The following FER1L6 variants were observed in gnomAD, a reference collection of about 807,000 sequenced individuals.
FER1L6 encodes fer-1 like family member 6, also known as fer-1-like protein 6.
Under a neutral mutation model 219.2 loss-of-function variants are expected in FER1L6, and 177 were observed. That is an observed-to-expected ratio of 0.81 (90% CI 0.71 to 0.91). FER1L6 has a LOEUF of 0.91. FER1L6 is among the 40% of genes least tolerant of loss of function. The pLI is 0.00. For missense variants in FER1L6, 2,153 were observed against 2,259.9 expected, an observed-to-expected ratio of 0.95 and a Z score of 0.96; for synonymous variants, 768 against 824.3, an observed-to-expected ratio of 0.93 and a Z score of 1.17.
intron 20 of FER1L6, among the ~76,000 whole-genome samples, chr8:124,042,292 C>G (rs1043442782): frequency 3.3e-5 from 5 of 152,216 alleles, no homozygotes; most frequent in Non-Finnish European, 7.3e-5. Flanking sequence ...GAGTTCTGGA[C>G]TCTGTCTCCA....
In FER1L6 at chr8:123,986,089, G is replaced by T. The variant is rs763575455; in HGVS notation, c.1432G>T (p.Glu478Ter). 1 of 1,611,676 alleles carries T rather than the reference G, an allele frequency of 6.2e-7. No homozygotes were observed. The highest frequency in any genetic ancestry group is 2.2e-5 in the East Asian group (1 of 44,844). The change falls in exon 12 of 41, where the codon GAA (glutamate) becomes TAA (stop). Residue 478 changes from glutamate (E) to a stop codon, truncating the protein, a stop_gained. Transcript: ENST00000522917. LOFTEE classifies it high-confidence loss of function. ...GTAGATTGTACCAGAAAAAAATGAG[G>T]AATTTTTACTCTTTGGAGCATTTTT... ...PPEIVPEKNE[E>*]FLLFGAFFEA...
At chr8:123,963,438 G>A in intron 3 of FER1L6, 40 bp downstream of exon 3, 10 of 1,610,540 alleles carry the variant, frequency 6.2e-6, no homozygotes, top group Non-Finnish European at 8.5e-6. Flanking sequence ...CATTTGCTGA[G>A]CATCTCTTAT....
chr8:124,069,490 A>C lies in FER1L6; in HGVS notation c.3834+15A>C, dbSNP rs372640160. ...CCATCTTGCAGGTATGTGGGGACACAGGCATCTCTGCCATGGATGGGGAGG... is the reference window on the plus strand; with the variant it reads ...CCATCTTGCAGGTATGTGGGGACACCGGCATCTCTGCCATGGATGGGGAGG... On this transcript the variant is annotated intron_variant, in intron 29 of 40. Coordinates refer to ENST00000522917, the MANE Select transcript of FER1L6 (RefSeq NM_001039112.2). 4.4e-6 allele frequency: 7 copies of C among 1,579,726 alleles called. No homozygotes were observed. The highest frequency in any genetic ancestry group is 8.6e-7 in the Non-Finnish European group (1 of 1,156,284).
In FER1L6 at chr8:124,119,838, CT is replaced by C; in HGVS notation, c.*50del. On this transcript the variant is annotated 3_prime_UTR_variant, in exon 41 of 41. Coordinates refer to ENST00000522917, the MANE Select transcript of FER1L6 (RefSeq NM_001039112.2). ...CTCGCCATATACTAATCCTCTCTTC[CT>C]TATCTGGGAGCATCTAAGAACATGT... The C allele has an allele frequency of 6.3e-7, 1 of 1,585,470 alleles. No individual in the cohort carries two copies.
At chr8:123,908,965 A>C (rs565709228) in intron 1 of FER1L6, among the ~76,000 whole-genome samples, 4 of 152,336 alleles carry the variant, frequency 2.6e-5, no homozygotes, top group Non-Finnish European at 5.9e-5. Flanking sequence ...AGCTGAACGT[A>C]AGACAATAGG....
Position 124,103,541 on chromosome 8 carries a change from T to A in FER1L6, c.5289+232T>A, listed in dbSNP as rs567656545. ...TTGGCCTGAACTTATGCGCCTGGCA[T>A]TAATTTTTTTTCAACATTTCTTAAG... On this transcript the variant is annotated intron_variant, in intron 39 of 40. Transcript: ENST00000522917. 1.1e-4 allele frequency among the ~76,000 whole-genome samples: 17 copies of A among 152,346 alleles called. No homozygotes were observed. The South Asian group carries it at 3.5e-3, about 32-fold the overall frequency.
In FER1L6 at chr8:123,885,145, A is replaced by G. The variant is rs202081128; in HGVS notation, c.-8+32960A>G. Among the ~76,000 whole-genome samples the G allele has an allele frequency of 2.6e-5, 4 of 152,320 alleles. No homozygotes were observed. The East Asian group carries it at 7.7e-4, about 29-fold the overall frequency. On this transcript the variant is annotated intron_variant, in intron 1 of 40. Transcript: ENST00000522917. ...GAGGGGATTCCATCCTTGAGCCTTC[A>G]GAGGAAACACAGCCCTCCCAGCACC...
chr8:124,113,023 T>C (rs544918602), intron 39 of FER1L6, among the ~76,000 whole-genome samples: 5 of 152,320 alleles, frequency 3.3e-5, no homozygotes, highest in African/African-American at 1.2e-4. Flanking sequence ...TTTAGTTCCC[T>C]TTACATAATA....
At chr8:123,906,441 T>C (rs1213303608) in intron 1 of FER1L6, among the ~76,000 whole-genome samples, 3 of 152,136 alleles carry the variant, frequency 2.0e-5, no homozygotes, top group Non-Finnish European at 2.9e-5. Context: ...CCTACATCCT[T>C]TCTCCCATGT....
In FER1L6 at chr8:124,067,945, C is replaced by T. The variant is rs535538758; in HGVS notation, c.3718+139C>T. 526 of 686,100 alleles carry T rather than the reference C, an allele frequency of 7.7e-4. 8 individuals carry two copies. In the Admixed American group the frequency reaches 9.8e-3, roughly 13 times the overall value. The allele number at this position is 686,100 out of a possible 1,614,324, so 42.5% of individuals were successfully genotyped here. On this transcript the variant is annotated intron_variant, in intron 28 of 40. Coordinates refer to ENST00000522917, the MANE Select transcript of FER1L6 (RefSeq NM_001039112.2). Reference sequence around the variant, plus strand: ...TTTAGAAACAATCTCAGGAAGATGACAGCACTTTAAAATGTGGTCATGTAG... The same window carrying T: ...TTTAGAAACAATCTCAGGAAGATGATAGCACTTTAAAATGTGGTCATGTAG...
At chr8:124,063,969 T>C (rs1820708712) in intron 25 of FER1L6, among the ~76,000 whole-genome samples, 1 of 152,194 alleles carries the variant, frequency 6.6e-6, no homozygotes, top group Non-Finnish European at 1.5e-5. Flanking sequence ...TTCATGGCTC[T>C]CTGGAGCTCC....
intron 12 of FER1L6, among the ~76,000 whole-genome samples, chr8:123,999,773 G>A (rs1257478113): frequency 6.6e-6 from 1 of 152,206 alleles, no homozygotes; most frequent in Admixed American, 6.5e-5. Context: ...TGGTATCCAA[G>A]TTGAAAGACA....
chr8:123,955,451 G>A (rs1814971970), intron 1 of FER1L6, among the ~76,000 whole-genome samples: 1 of 152,190 alleles, frequency 6.6e-6, no homozygotes, highest in South Asian at 2.1e-4. Flanking sequence ...CCCAGGTCTG[G>A]TGATGGTGTT....
chr8:123,982,671 A>G (rs1054507075), intron 11 of FER1L6, among the ~76,000 whole-genome samples: 3 of 152,232 alleles, frequency 2.0e-5, no homozygotes, highest in Non-Finnish European at 2.9e-5. Flanking sequence ...ATTTGGGAAT[A>G]GCATGGCTCA....
At chr8:123,951,915 T>G (rs1229401712) in intron 1 of FER1L6, among the ~76,000 whole-genome samples, 2 of 152,100 alleles carry the variant, frequency 1.3e-5, no homozygotes, top group African/African-American at 4.8e-5. Context: ...CACAAGTAAC[T>G]TAGTGTTTGG....
intron 19 of FER1L6, 140 bp downstream of exon 19, chr8:124,035,594 T>C: frequency 1.3e-6 from 1 of 757,894 alleles, no homozygotes; most frequent in Middle Eastern, 3.9e-4. Context: ...AAAGTACAGT[T>C]TCTAAGTGTT....
At chr8:123,942,858 T>G (rs1390423880) in intron 1 of FER1L6, among the ~76,000 whole-genome samples, 1 of 152,228 alleles carries the variant, frequency 6.6e-6, no homozygotes, top group Non-Finnish European at 1.5e-5. Flanking sequence ...TACAGGTGGT[T>G]TCAGAGGTAT....
chr8:124,060,638 G>T lies in FER1L6; in HGVS notation c.3076G>T (p.Val1026Leu). Residue 1026 changes from valine to leucine, a missense_variant, in exon 24 of 41, where the codon GTG becomes TTG. Physicochemically the swap from Val to Leu is conservative, Grantham distance 32. Transcript: ENST00000522917. Reference protein sequence around the residue: ...QALIECGGQGVKSCVIQSYKN... With the variant: ...QALIECGGQGLKSCVIQSYKN... The stretch of plus-strand genomic sequence containing the variant: ...TCTCATTGAGTGCGGAGGACAAGGT[G>T]TGAAGTCCTGCGTGATCCAGAGCTA... 1 of 1,614,116 alleles carries T rather than the reference G, an allele frequency of 6.2e-7. No homozygotes were observed. Among genetic ancestry groups the T allele is most frequent in the Non-Finnish European group, 8.5e-7 (1 of 1,179,990 alleles).
chr8:124,039,199 C>T (rs1480655393), intron 19 of FER1L6, among the ~76,000 whole-genome samples: 3 of 152,182 alleles, frequency 2.0e-5, no homozygotes, highest in Non-Finnish European at 2.9e-5. Context: ...TTATCTTCTG[C>T]CTTCTCCCAG....
Sources: allele counts gnomAD v4.1 joint callset (sites outside exome capture counted in the v4.1 genomes callset), GRCh38; gene constraint gnomAD v4.1.1; transcripts MANE v1.5; gene names NCBI Gene and HGNC (gene_info 2026-07-23, HGNC 2026-07-21).